SRP72: variants seen among roughly 807,000 people sequenced by gnomAD.
SRP72 encodes signal recognition particle 72.
Under a neutral mutation model 96.3 loss-of-function variants are expected in SRP72, and 49 were observed. That is an observed-to-expected ratio of 0.51 (90% CI 0.40 to 0.65). The LOEUF (loss-of-function observed/expected upper bound fraction) is 0.65, where lower values mean the gene tolerates loss of function less well. SRP72 is among the 30% of genes least tolerant of loss of function. The pLI is 0.00. For synonymous variants in SRP72, 267 were observed against 275.2 expected, an observed-to-expected ratio of 0.97 and a Z score of 0.30; for missense variants, 736 against 793.3, an observed-to-expected ratio of 0.93 and a Z score of 0.87.
At chr4:56,488,458 T>G (rs1251602441) in intron 12 of SRP72, among the ~76,000 whole-genome samples, 2 of 152,204 alleles carry the variant, frequency 1.3e-5, no homozygotes, top group Non-Finnish European at 2.9e-5. Context: ...TGGTAGTATG[T>G]GCATCTTTTG....
intron 5 of SRP72, chr4:56,476,393 G>A (rs941430472): frequency 5.1e-5 from 21 of 412,538 alleles, no homozygotes; most frequent in South Asian, 2.6e-4. Context: ...TTGATTTTTC[G>A]CAATTAATAT....
chr4:56,500,355 T>TGC, intron 17 of SRP72, 181 bp from the exon 18 acceptor site: 1 of 615,644 alleles, frequency 1.6e-6, no homozygotes, highest in Non-Finnish European at 2.7e-6. Flanking sequence ...TCCCAGAACT[T>TGC]AAAGTATAAT....
At chr4:56,492,410 A>G (rs529481344) in intron 16 of SRP72, among the ~76,000 whole-genome samples, 3 of 152,312 alleles carry the variant, frequency 2.0e-5, no homozygotes, top group Admixed American at 2.0e-4. Context: ...GTCATCTTAA[A>G]AATATAGTTA....
At position 56,478,635 on chromosome 4, in the gene SRP72, A is replaced by G. The variant is rs748702379; in HGVS notation, c.811A>G (p.Ile271Val). Residue 271 changes from isoleucine (I) to valine (V), a missense_variant, in exon 8 of 19, where the codon ATT becomes GTT. By Grantham distance (29) the Ile-to-Val change is conservative. This residue lies in a region of SRP72 where 19 missense variants were observed against 42.5 expected (regional missense o/e 0.45). Coordinates refer to ENST00000642900, the MANE Select transcript of SRP72 (RefSeq NM_006947.4). ...ACTAGCTGTAATTGCAAATAACATC[A>G]TTACCATTAACAAGGTATGGAGTAT... is the stretch of plus-strand genomic sequence containing the variant. ...GLLAVIANNI[I>V]TINKDQNVFD... 12 of 1,613,854 alleles carry G rather than the reference A, an allele frequency of 7.4e-6. No homozygotes were observed. The African/African-American group carries it at 1.3e-4, about 18-fold the overall frequency.
At chr4:56,501,340 T>A (rs1200097879) in intron 18 of SRP72, among the ~76,000 whole-genome samples, 1 of 151,964 alleles carries the variant, frequency 6.6e-6, no homozygotes, top group Non-Finnish European at 1.5e-5. Context: ...CCCAGAAGGA[T>A]CACGTGAACC....
intron 11 of SRP72, 40 bp downstream of exon 11, chr4:56,486,437 A>T: frequency 6.7e-7 from 1 of 1,501,868 alleles, no homozygotes; most frequent in Non-Finnish European, 9.1e-7. Context: ...TTTTAATGAA[A>T]ACATGTTTGG....
chr4:56,472,672 A>ATT (rs1720024657), intron 3 of SRP72, among the ~76,000 whole-genome samples: 1 of 152,172 alleles, frequency 6.6e-6, no homozygotes, highest in African/African-American at 2.4e-5. Flanking sequence ...TTAAATGTCA[A>ATT]TTTAGGGCAA....
intron 1 of SRP72, among the ~76,000 whole-genome samples, chr4:56,468,280 GC>G (rs1022289950): frequency 6.6e-6 from 1 of 152,106 alleles, no homozygotes; most frequent in African/African-American, 2.4e-5. Context: ...TGGATGTCAG[GC>G]CTGTCATTCC....
In SRP72 at chr4:56,490,397, G is replaced by A. The variant is rs780508672; in HGVS notation, c.1385G>A (p.Arg462Gln). 5.6e-6 allele frequency: 9 copies of A among 1,613,924 alleles called. No individual in the cohort carries two copies. Among genetic ancestry groups the A allele is most frequent in the South Asian group, 3.3e-5 (3 of 91,036 alleles). The change falls in exon 14 of 19, where the codon CGG becomes CAG. Residue 462 changes from arginine (R) to glutamine (Q), a missense_variant. Arg to Gln is a conservative substitution (Grantham distance 43). Coordinates refer to ENST00000642900, the MANE Select transcript of SRP72 (RefSeq NM_006947.4). ...EAANFKLKYG[R>Q]KKEAISDLQQ... ...GCAAACTTCAAACTCAAATATGGGC[G>A]GAAGAAGGAGGCAATTAGTGACCTA...
chr4:56,475,626 C>G (rs1193183342), intron 5 of SRP72: 1 of 151,830 alleles, frequency 6.6e-6, no homozygotes, highest in Non-Finnish European at 1.5e-5. Context: ...CTTGACCACC[C>G]GAAGTGCTGG....
At chr4:56,480,908 C>T (rs918709505) in intron 8 of SRP72, among the ~76,000 whole-genome samples, 6 of 151,694 alleles carry the variant, frequency 4.0e-5, no homozygotes, top group African/African-American at 9.7e-5. Context: ...GGTTAAGCAA[C>T]AGCACAAAAA....
At position 56,467,643 on chromosome 4, in the gene SRP72, GC is replaced by G; in HGVS notation, c.9del (p.Ser3ArgfsTer16). On this transcript the variant is annotated frameshift_variant, in exon 1 of 19. Coordinates refer to ENST00000642900, the MANE Select transcript of SRP72 (RefSeq NM_006947.4). LOFTEE classifies it high-confidence loss of function. MA[S>X]GGSGGVSVPA... Reference sequence around the variant, plus strand: ...CCCCTCGTCTCCTCCAAGATGGCGAGCGGCGGCAGCGGGGGGGTGTCAGTAC... The same window carrying G: ...CCCCTCGTCTCCTCCAAGATGGCGAGGGCGGCAGCGGGGGGGTGTCAGTAC... 1 of 1,559,540 alleles carries G rather than the reference GC, an allele frequency of 6.4e-7. No individual in the cohort carries two copies. Among genetic ancestry groups the G allele is most frequent in the Non-Finnish European group, 8.7e-7 (1 of 1,154,574 alleles).
intron 8 of SRP72, 36 bp downstream of exon 8, chr4:56,478,685 A>C (rs770730037): frequency 1.9e-6 from 3 of 1,588,166 alleles, no homozygotes; most frequent in Non-Finnish European, 1.7e-6. Context: ...GATATATTTT[A>C]CCCTGAAAGC....
rs1483903477 is a variant in SRP72, at chr4:56,502,246, A to C, written c.*385A>C. On this transcript the variant is annotated 3_prime_UTR_variant, in exon 19 of 19. Transcript: ENST00000642900. ...GTCTGAAGATACTTGTTTCTGTTCA[A>C]GTCCCACTTTAAATTATGTCTTAGG... The C allele has an allele frequency of 5.1e-6, 1 of 194,230 alleles. No individual in the cohort carries two copies. Among genetic ancestry groups the C allele is most frequent in the Admixed American group, 5.5e-5 (1 of 18,176 alleles). The allele number at this position is 194,230 out of a possible 1,614,324, so 12.0% of individuals were successfully genotyped here.
At chr4:56,476,425 A>G (rs1440842336) in intron 5 of SRP72, 1 of 492,196 alleles carries the variant, frequency 2.0e-6, no homozygotes, top group African/African-American at 2.0e-5. Flanking sequence ...GTATTTTTTA[A>G]TGCACTTTAC....
At chr4:56,484,606 C>G in intron 9 of SRP72, 130 bp from the exon 10 acceptor site, 2 of 1,217,600 alleles carry the variant, frequency 1.6e-6, no homozygotes, top group Non-Finnish European at 2.3e-6. Flanking sequence ...AACTGATTCT[C>G]TTACCCTAGG....
In SRP72 at chr4:56,501,805, G is replaced by C. The variant is rs1341203232; in HGVS notation, c.1960G>C (p.Ala654Pro). ...PRHQKPAGAPATKKKQQQKKK... is the reference protein window; with the variant it reads ...PRHQKPAGAPPTKKKQQQKKK... ...ACACCAGAAACCTGCAGGGGCTCCAGCAACAAAAAAGAAACAGCAACAGAA... is the reference window on the plus strand; with the variant it reads ...ACACCAGAAACCTGCAGGGGCTCCACCAACAAAAAAGAAACAGCAACAGAA... Residue 654 changes from alanine (A) to proline (P), a missense_variant, in exon 19 of 19, where the codon GCA (alanine) becomes CCA (proline). By Grantham distance (27) the Ala-to-Pro change is conservative. This residue lies in a region of SRP72 where 388 missense variants were observed against 431.8 expected (regional missense o/e 0.90). Coordinates refer to ENST00000642900, the MANE Select transcript of SRP72 (RefSeq NM_006947.4). The C allele has an allele frequency of 1.9e-6, 3 of 1,613,850 alleles. No individual in the cohort carries two copies. Among genetic ancestry groups the C allele is most frequent in the Non-Finnish European group, 2.5e-6 (3 of 1,179,936 alleles).
At chr4:56,472,474 T>C (rs1295827802) in intron 3 of SRP72, among the ~76,000 whole-genome samples, 8 of 151,624 alleles carry the variant, frequency 5.3e-5, no homozygotes. Context: ...GCCTTCCAAG[T>C]AGCTGTGATT....
At chr4:56,501,357 G>A in intron 18 of SRP72, among the ~76,000 whole-genome samples, 1 of 152,162 alleles carries the variant, frequency 6.6e-6, no homozygotes, top group East Asian at 1.9e-4. Context: ...AACCCAGGAG[G>A]TGGATGGAGG....
Sources: allele counts gnomAD v4.1 joint callset (sites outside exome capture counted in the v4.1 genomes callset), GRCh38; gene constraint gnomAD v4.1.1; regional missense constraint gnomAD v4.1.1; transcripts MANE v1.5; gene names NCBI Gene and HGNC (gene_info 2026-07-23, HGNC 2026-07-21).